The following FABP12 variants were observed in gnomAD, a reference collection of about 807,000 sequenced individuals.
FABP12 encodes fatty acid binding protein 12, also known as fatty acid-binding protein 12.
In FABP12, 19 loss-of-function variants were observed where a neutral mutation model predicts 13.7. The observed-to-expected ratio is 1.39, with a 90% CI of 0.97 to 2.04. The LOEUF is 2.04. FABP12 is among the 30% of genes most tolerant of loss of function. The pLI is 0.00. For synonymous variants in FABP12, 61 were observed against 57.0 expected, an observed-to-expected ratio of 1.07 and a Z score of -0.32; for missense variants, 182 against 164.2, an observed-to-expected ratio of 1.11 and a Z score of -0.59.
intron 1 of FABP12, among the ~76,000 whole-genome samples, chr8:81,559,356 G>A (rs1235237768): frequency 6.6e-6 from 1 of 152,194 alleles, no homozygotes; most frequent in Non-Finnish European, 1.5e-5. Context: ...AATAAAACAA[G>A]GCTATTTAAC....
intron 1 of FABP12, among the ~76,000 whole-genome samples, chr8:81,573,647 T>G (rs777218835): frequency 2.6e-5 from 4 of 152,274 alleles, no homozygotes; most frequent in South Asian, 2.1e-4. Flanking sequence ...TTGTTTTCCT[T>G]GTAGAGGTCT....
In FABP12 at chr8:81,578,823, G is replaced by GTTTTT. The variant is rs763089399; in HGVS notation, c.-185+11225_-185+11229dup. ...TACAGAATCTGACACATTTGTTCAAGTTTTTTTTTTTTTTTTTTTGAGAAG... is the reference window on the plus strand; with the variant it reads ...TACAGAATCTGACACATTTGTTCAAGTTTTTTTTTTTTTTTTTTTTTTTTGAGAAG... On this transcript the variant is annotated intron_variant, in intron 1 of 5. Transcript: ENST00000692030. Among the ~76,000 whole-genome samples, 13 of 105,656 alleles carry GTTTTT rather than the reference G, an allele frequency of 1.2e-4. 6 individuals are homozygous for GTTTTT. Among genetic ancestry groups the GTTTTT allele is most frequent in the Non-Finnish European group, 1.9e-4 (11 of 56,842 alleles). The allele number at this position is 105,656 out of a possible 152,430, so 69.3% of individuals were successfully genotyped here. A position where few individuals can be genotyped will look rare whatever the true frequency, so the allele number is the denominator to read the frequency against.
intron 1 of FABP12, among the ~76,000 whole-genome samples, chr8:81,587,296 G>A (rs540200008): frequency 4.6e-5 from 7 of 152,126 alleles, no homozygotes; most frequent in East Asian, 1.9e-4. Context: ...AGTTCCAAAC[G>A]AATTTAAGAA....
chr8:81,581,267 G>T (rs892019125), intron 1 of FABP12, among the ~76,000 whole-genome samples: 27 of 151,790 alleles, frequency 1.8e-4, no homozygotes, highest in African/African-American at 6.5e-4. Flanking sequence ...GGCTTGAAAA[G>T]GGAGGACTTT....
chr8:81,585,087 A>G (rs1331766218), intron 1 of FABP12, among the ~76,000 whole-genome samples: 1 of 152,082 alleles, frequency 6.6e-6, no homozygotes, highest in Non-Finnish European at 1.5e-5. Context: ...TTTCAGTTTG[A>G]TGTTATACCA....
intron 1 of FABP12, among the ~76,000 whole-genome samples, chr8:81,561,161 G>A (rs1206299111): frequency 6.6e-6 from 1 of 152,112 alleles, no homozygotes; most frequent in African/African-American, 2.4e-5. Context: ...GAGAGCTCGG[G>A]CAAGTCCTAA....
At chr8:81,564,614 C>T (rs556165417) in intron 1 of FABP12, among the ~76,000 whole-genome samples, 4 of 152,170 alleles carry the variant, frequency 2.6e-5, no homozygotes, top group South Asian at 4.1e-4. Flanking sequence ...CCTAAGTTGT[C>T]ATCAGTTTAA....
chr8:81,538,133 T>C (rs1298294567), upstream of FABP12, among the ~76,000 whole-genome samples: 1 of 152,002 alleles, frequency 6.6e-6, no homozygotes, highest in African/African-American at 2.4e-5. Context: ...CCATGCTCTT[T>C]TAAACAACCA....
At chr8:81,534,639 A>C (rs1444474793), upstream of FABP12, among the ~76,000 whole-genome samples, 1 of 152,224 alleles carries the variant, frequency 6.6e-6, no homozygotes, top group East Asian at 1.9e-4. Context: ...GATAAAGAGT[A>C]GGAGTTAACA....
At chr8:81,542,189 C>T (rs1809360967) in intron 1 of FABP12, among the ~76,000 whole-genome samples, 1 of 152,094 alleles carries the variant, frequency 6.6e-6, no homozygotes, top group African/African-American at 2.4e-5. Context: ...CTGGCCTTGA[C>T]CTCCTTCTCT....
chr8:81,559,445 A>T (rs1809679811), intron 1 of FABP12, among the ~76,000 whole-genome samples: 1 of 152,192 alleles, frequency 6.6e-6, no homozygotes, highest in Non-Finnish European at 1.5e-5. Context: ...CGTTCTTTTC[A>T]TGTATGGGTC....
At chr8:81,526,989 G>A (rs1808918679) in intron 4 of FABP12, 31 bp downstream of exon 4, 1 of 1,264,660 alleles carries the variant, frequency 7.9e-7, no homozygotes, top group Non-Finnish European at 1.1e-6. Context: ...GTTGCAGAAG[G>A]TGGGAAGAAA....
chr8:81,545,097 T>G (rs529589425), intron 1 of FABP12, among the ~76,000 whole-genome samples: 1 of 152,276 alleles, frequency 6.6e-6, no homozygotes, highest in African/African-American at 2.4e-5. Flanking sequence ...CTTGGCTCAC[T>G]GCAACCTCCA....
chr8:81,537,472 T>G (rs371542259), upstream of FABP12, among the ~76,000 whole-genome samples: 12 of 152,320 alleles, frequency 7.9e-5, no homozygotes, highest in Admixed American at 3.3e-4. Context: ...TCTAATGCAC[T>G]TGGATTAAAA....
At chr8:81,564,574 T>G (rs1375438837) in intron 1 of FABP12, among the ~76,000 whole-genome samples, 8 of 152,118 alleles carry the variant, frequency 5.3e-5, no homozygotes, top group Admixed American at 5.2e-4. Context: ...GTATCAGTTT[T>G]CTCTCTGTCA....
At chr8:81,554,729 C>T (rs1809578395) in intron 1 of FABP12, among the ~76,000 whole-genome samples, 1 of 151,922 alleles carries the variant, frequency 6.6e-6, no homozygotes, top group Admixed American at 6.6e-5. Context: ...TTTTGGCTTC[C>T]CTGGGCCCCA....
intron 1 of FABP12, among the ~76,000 whole-genome samples, chr8:81,548,390 A>C (rs1247031655): frequency 6.6e-6 from 1 of 152,252 alleles, no homozygotes; most frequent in Non-Finnish European, 1.5e-5. Context: ...TTAAGGGGAT[A>C]TAAAAGGAAA....
rs182939438 is a variant in FABP12, at chr8:81,550,788, G to C, written c.-184-11045C>G. On this transcript the variant is annotated intron_variant, in intron 1 of 5. Transcript: ENST00000692030. ...CTAGGTACCTTTATTTCTACTCACA[G>C]AAAATTATAAAGTTCTATTCATGCA... 7.2e-5 allele frequency among the ~76,000 whole-genome samples: 11 copies of C among 152,284 alleles called. No individual in the cohort carries two copies. The East Asian group carries it at 1.9e-3, about 27-fold the overall frequency.
At chr8:81,527,199 T>C (rs1808924911) in intron 3 of FABP12, 78 bp from the exon 4 acceptor site, 1 of 793,074 alleles carries the variant, frequency 1.3e-6, no homozygotes, top group African/African-American at 1.7e-5. Context: ...GCAAATTCTT[T>C]TTAGCTGTTG....
Sources: gnomAD v4.1 joint callset for allele counts (sites outside exome capture counted in the v4.1 genomes callset) on GRCh38, gnomAD v4.1.1 for gene constraint, MANE v1.5 for transcripts, NCBI Gene and HGNC (gene_info 2026-07-23, HGNC 2026-07-21) for gene names.